Variants in NMNAT2 observed in about 807,000 individuals in gnomAD.
NMNAT2 encodes the protein nicotinamide nucleotide adenylyltransferase 2, also known as nicotinamide/nicotinic acid mononucleotide adenylyltransferase 2.
NMNAT2 carries 11 observed loss-of-function variants against 41.6 expected under a neutral mutation model. The observed-to-expected ratio is 0.26, with a 90% CI of 0.17 to 0.44. The LOEUF is 0.44. Among genes scored for constraint, NMNAT2 ranks in the 20% least tolerant of loss-of-function variants. The pLI is 1.00. For synonymous variants in NMNAT2, 148 were observed against 151.2 expected (o/e 0.98, Z 0.16); for missense variants, 288 against 407.7 (o/e 0.71, Z 2.53).
chr1:183,391,959 T>A lies in NMNAT2; in HGVS notation c.85+26224A>T, dbSNP rs7412665. Among the ~76,000 whole-genome samples the A allele has an allele frequency of 2.4e-4, 36 of 152,328 alleles. No homozygotes were observed. The South Asian group carries it at 7.0e-3, about 30-fold the overall frequency. On this transcript the variant is annotated intron_variant, in intron 1 of 10. Transcript: ENST00000287713. ...TCTCCCCAATCCCCAAACATGGCAG[T>A]GCCCCAGGATTCAGTCCTTGACCTC...
intron 8 of NMNAT2, among the ~76,000 whole-genome samples, chr1:183,277,083 T>A (rs1404549085): frequency 6.6e-6 from 1 of 152,224 alleles, no homozygotes; most frequent in Non-Finnish European, 1.5e-5. Context: ...TGTCAGGTGC[T>A]GGGGCTAGGC....
rs1660346151 is a variant in NMNAT2, at chr1:183,250,497, C to A, written c.*2144G>T. On this transcript the variant is annotated 3_prime_UTR_variant, in exon 11 of 11. Transcript: ENST00000287713. ...TTGGGAAGTGTAGAAATCATATGGG[C>A]ACCTGGTCAGCAACATGAGGAAATG... The A allele has an allele frequency of 6.6e-6, 1 of 152,542 alleles. No homozygotes were observed. The highest frequency in any genetic ancestry group is 2.4e-5 in the African/African-American group (1 of 41,368). The allele number at this position is 152,542 out of a possible 1,614,324, so 9.4% of individuals were successfully genotyped here. A position where few individuals can be genotyped will look rare whatever the true frequency, so the allele number is the denominator to read the frequency against.
At position 183,252,542 on chromosome 1, in the gene NMNAT2, A is replaced by G. The variant is rs952898888; in HGVS notation, c.*99T>C. 3 of 894,354 alleles carry G rather than the reference A, an allele frequency of 3.4e-6. No individual in the cohort carries two copies. The highest frequency in any genetic ancestry group is 3.3e-5 in the African/African-American group (2 of 61,344). The allele number at this position is 894,354 out of a possible 1,614,324, so 55.4% of individuals were successfully genotyped here. A position where few individuals can be genotyped will look rare whatever the true frequency, so the allele number is the denominator to read the frequency against. ...GGGGTTAAGTCAGCAAGTAGGGAAA[A>G]CAGTCAAGACGAGGAGATGGAGAAA... On this transcript the variant is annotated 3_prime_UTR_variant, in exon 11 of 11. Transcript: ENST00000287713.
At chr1:183,352,495 G>A (rs534845889) in intron 1 of NMNAT2, among the ~76,000 whole-genome samples, 3 of 149,874 alleles carry the variant, frequency 2.0e-5, no homozygotes, top group African/African-American at 4.9e-5. Flanking sequence ...CTCGGGCATC[G>A]GAGGTTGCAG....
chr1:183,363,066 G>A (rs1250372775), intron 1 of NMNAT2, among the ~76,000 whole-genome samples: 1 of 152,112 alleles, frequency 6.6e-6, no homozygotes, highest in East Asian at 1.9e-4. Context: ...CAACTTTTTA[G>A]GAGTTTATTT....
At chr1:183,390,015 G>A (rs1046846943) in intron 1 of NMNAT2, among the ~76,000 whole-genome samples, 4 of 151,984 alleles carry the variant, frequency 2.6e-5, no homozygotes, top group African/African-American at 4.8e-5. Context: ...TAGTGCAATA[G>A]AAGCTCATCA....
intron 1 of NMNAT2, among the ~76,000 whole-genome samples, chr1:183,329,292 A>G (rs191205403): frequency 7.9e-5 from 12 of 152,276 alleles, no homozygotes; most frequent in African/African-American, 2.9e-4. Context: ...AAATATTATA[A>G]AATTTATTGC....
At chr1:183,363,055 GC>G (rs1407259046) in intron 1 of NMNAT2, among the ~76,000 whole-genome samples, 1 of 152,176 alleles carries the variant, frequency 6.6e-6, no homozygotes, top group Non-Finnish European at 1.5e-5. Context: ...ATGATGTTGA[GC>G]AACTTTTTAG....
intron 1 of NMNAT2, among the ~76,000 whole-genome samples, chr1:183,329,683 T>G (rs56034063): frequency 0.014 from 2,075 of 152,242 alleles, 39 homozygotes; most frequent in African/African-American, 0.047. Context: ...CTGAACATAT[T>G]CACTTTCCTT....
At chr1:183,263,672 G>T (rs1162300953) in intron 8 of NMNAT2, among the ~76,000 whole-genome samples, 16 of 152,214 alleles carry the variant, frequency 1.1e-4, no homozygotes, top group Admixed American at 1.0e-3. Context: ...GCCGGGCGTG[G>T]TGGCAGGTGC....
At chr1:183,282,866 T>A (rs1055795923) in intron 7 of NMNAT2, 4 of 152,232 alleles carry the variant, frequency 2.6e-5, no homozygotes, top group Middle Eastern at 3.4e-3. Context: ...AAGTGAGGAG[T>A]TTTGAGTATT....
intron 2 of NMNAT2, among the ~76,000 whole-genome samples, chr1:183,293,481 G>A (rs554353670): frequency 2.6e-5 from 4 of 152,310 alleles, no homozygotes; most frequent in Non-Finnish European, 1.5e-5. Context: ...GTGGCTCTAC[G>A]GTCATGGACA....
intron 1 of NMNAT2, among the ~76,000 whole-genome samples, chr1:183,314,229 T>C (rs189604674): frequency 1.3e-5 from 2 of 152,320 alleles, no homozygotes; most frequent in Admixed American, 1.3e-4. Flanking sequence ...CCTACAGCTC[T>C]CTCCTGAACC....
chr1:183,259,074 C>A (rs545087699), intron 10 of NMNAT2, among the ~76,000 whole-genome samples: 2 of 152,090 alleles, frequency 1.3e-5, no homozygotes, highest in African/African-American at 4.8e-5. Context: ...GTGGTTACAC[C>A]CTGACCTTGC....
At chr1:183,321,743 A>G (rs1402023483) in intron 1 of NMNAT2, among the ~76,000 whole-genome samples, 2 of 148,986 alleles carry the variant, frequency 1.3e-5, no homozygotes, top group African/African-American at 5.0e-5. Context: ...CAAAAAAAAG[A>G]AAAAAAAAAG....
chr1:183,413,500 GA>G (rs1489074714), intron 1 of NMNAT2, among the ~76,000 whole-genome samples: 1 of 152,036 alleles, frequency 6.6e-6, no homozygotes, highest in African/African-American at 2.4e-5. Flanking sequence ...GGGGTACTTG[GA>G]AAATGATTAT....
chr1:183,286,647 T>C lies in NMNAT2; in HGVS notation c.448+15A>G, dbSNP rs773634948. ...GATTCTGAGGTCTGAGAATCACACA[T>C]CAGTGTTCCCCTACCTGCAGTGGGC... On this transcript the variant is annotated intron_variant, in intron 5 of 10. Transcript: ENST00000287713. 1.9e-6 allele frequency: 3 copies of C among 1,599,264 alleles called. No homozygotes were observed. Among genetic ancestry groups the C allele is most frequent in the South Asian group, 2.3e-5 (2 of 87,998 alleles).
intron 1 of NMNAT2, among the ~76,000 whole-genome samples, chr1:183,327,876 G>T (rs1312211458): frequency 6.6e-6 from 1 of 152,044 alleles, no homozygotes; most frequent in Non-Finnish European, 1.5e-5. Context: ...GTCCTCGCTG[G>T]CCCTGTCTAC....
chr1:183,254,081 C>T (rs975064089), intron 10 of NMNAT2, among the ~76,000 whole-genome samples: 3 of 152,102 alleles, frequency 2.0e-5, no homozygotes, highest in Non-Finnish European at 4.4e-5. Context: ...GTGGTGATTT[C>T]ATTTTCTTTG....
Sources: allele counts gnomAD v4.1 joint callset (sites outside exome capture counted in the v4.1 genomes callset), GRCh38; gene constraint gnomAD v4.1.1; transcripts MANE v1.5; gene names NCBI Gene and HGNC (gene_info 2026-07-23, HGNC 2026-07-21).